FBXL7: variants seen among roughly 807,000 people sequenced by gnomAD.
FBXL7 encodes F-box/LRR-repeat protein 7.
A neutral mutation model predicts 38.3 loss-of-function variants in FBXL7; 12 were observed. The ratio of observed to expected loss-of-function variants is 0.31; its 90% CI spans 0.20 to 0.51. FBXL7 has a LOEUF of 0.51. FBXL7 is among the 20% of genes least tolerant of loss of function. FBXL7 has a pLI of 0.98. For synonymous variants in FBXL7, 297 were observed against 300.9 expected (o/e 0.99, Z 0.13); for missense variants, 567 against 676.4 (o/e 0.84, Z 1.79).
At chr5:15,834,516 A>G (rs866083161) in intron 2 of FBXL7, among the ~76,000 whole-genome samples, 32 of 152,164 alleles carry the variant, frequency 2.1e-4, no homozygotes, top group Non-Finnish European at 3.7e-4. Flanking sequence ...ATTCTTTGGC[A>G]TAGGTAGCTT....
At chr5:15,882,275 G>T (rs1230701694) in intron 2 of FBXL7, among the ~76,000 whole-genome samples, 5 of 152,118 alleles carry the variant, frequency 3.3e-5, no homozygotes, top group African/African-American at 1.2e-4. Context: ...TGTGACTTCT[G>T]ACTAGTCACA....
chr5:15,752,082 A>T (rs760848047), intron 2 of FBXL7, among the ~76,000 whole-genome samples: 1 of 152,194 alleles, frequency 6.6e-6, no homozygotes, highest in African/African-American at 2.4e-5. Flanking sequence ...TTTAATTTCT[A>T]GTGCACTGAA....
At chr5:15,808,665 T>C (rs1737779025) in intron 2 of FBXL7, among the ~76,000 whole-genome samples, 1 of 152,186 alleles carries the variant, frequency 6.6e-6, no homozygotes, top group African/African-American at 2.4e-5. Context: ...GTGGCTAGTT[T>C]CCAGTGGTGA....
intron 1 of FBXL7, among the ~76,000 whole-genome samples, chr5:15,569,129 A>C (rs1738682878): frequency 1.3e-5 from 2 of 152,356 alleles, no homozygotes; most frequent in African/African-American, 4.8e-5. Context: ...CTGTGAAGAA[A>C]GTCATTGGTA....
chr5:15,859,404 A>G (rs1186978824), intron 2 of FBXL7, among the ~76,000 whole-genome samples: 2 of 152,210 alleles, frequency 1.3e-5, no homozygotes, highest in African/African-American at 4.8e-5. Context: ...TCCAACTGGC[A>G]TCTACTGAGT....
At chr5:15,684,400 G>T (rs994042685) in intron 2 of FBXL7, among the ~76,000 whole-genome samples, 1 of 152,190 alleles carries the variant, frequency 6.6e-6, no homozygotes, top group African/African-American at 2.4e-5. Flanking sequence ...GTATTAAAGG[G>T]TAAATAGGAG....
chr5:15,683,295 C>T lies in FBXL7; in HGVS notation c.127+67223C>T, dbSNP rs191719557. ...AAAATGTTGTGAGTATATTTAGATTCTCTTGGGTCATGTGGCTTTATTCTA... is the reference window on the plus strand; with the variant it reads ...AAAATGTTGTGAGTATATTTAGATTTTCTTGGGTCATGTGGCTTTATTCTA... On this transcript the variant is annotated intron_variant, in intron 2 of 3. Transcript: ENST00000504595. Among the ~76,000 whole-genome samples the T allele has an allele frequency of 6.2e-4, 94 of 152,200 alleles. 1 individual carries two copies. Among genetic ancestry groups the T allele is most frequent in the African/African-American group, 2.2e-3 (90 of 41,534 alleles).
At chr5:15,890,135 T>C (rs1421801943) in intron 2 of FBXL7, among the ~76,000 whole-genome samples, 7 of 151,892 alleles carry the variant, frequency 4.6e-5, no homozygotes, top group Non-Finnish European at 7.4e-5. Flanking sequence ...CACAGACCAC[T>C]ACCGGTCTGT....
chr5:15,562,094 C>T (rs1738430235), intron 1 of FBXL7, among the ~76,000 whole-genome samples: 1 of 151,884 alleles, frequency 6.6e-6, no homozygotes, highest in African/African-American at 2.4e-5. Flanking sequence ...TGAATCTGGG[C>T]CTTATCTTAC....
At chr5:15,572,139 A>G (rs1486770444) in intron 1 of FBXL7, among the ~76,000 whole-genome samples, 2 of 152,150 alleles carry the variant, frequency 1.3e-5, no homozygotes, top group African/African-American at 4.8e-5. Flanking sequence ...GGTCTATCCA[A>G]AAGCCATGAA....
At chr5:15,586,214 C>A (rs1739298552) in intron 1 of FBXL7, among the ~76,000 whole-genome samples, 1 of 151,850 alleles carries the variant, frequency 6.6e-6, no homozygotes, top group Non-Finnish European at 1.5e-5. Flanking sequence ...TGGGTGATGA[C>A]AAATCATGTC....
At chr5:15,840,954 C>CT (rs1738731562) in intron 2 of FBXL7, among the ~76,000 whole-genome samples, 1 of 149,712 alleles carries the variant, frequency 6.7e-6, no homozygotes, top group Non-Finnish European at 1.5e-5. Context: ...TGTGTTTATA[C>CT]TTTTTATCAC....
intron 2 of FBXL7, among the ~76,000 whole-genome samples, chr5:15,767,441 T>C (rs987714266): frequency 1.3e-5 from 2 of 152,238 alleles, no homozygotes; most frequent in African/African-American, 2.4e-5. Flanking sequence ...CTTTGCGGTG[T>C]GAGGAAGGCT....
chr5:15,594,591 G>T (rs1739569131), intron 1 of FBXL7, among the ~76,000 whole-genome samples: 1 of 152,184 alleles, frequency 6.6e-6, no homozygotes, highest in African/African-American at 2.4e-5. Flanking sequence ...GCTTGTCCTT[G>T]GTATTGGAGC....
At chr5:15,563,469 G>A (rs561091611) in intron 1 of FBXL7, among the ~76,000 whole-genome samples, 81 of 152,222 alleles carry the variant, frequency 5.3e-4, no homozygotes, top group African/African-American at 1.9e-3. Flanking sequence ...AACCACTGGG[G>A]CTGCTAAAGC....
intron 2 of FBXL7, among the ~76,000 whole-genome samples, chr5:15,651,760 A>T (rs772842403): frequency 6.6e-6 from 1 of 152,226 alleles, no homozygotes; most frequent in African/African-American, 2.4e-5. Flanking sequence ...CACCAGCTAC[A>T]TTGGCCTCTA....
intron 2 of FBXL7, among the ~76,000 whole-genome samples, chr5:15,766,443 T>A (rs2126705250): frequency 6.6e-6 from 1 of 152,348 alleles, no homozygotes; most frequent in East Asian, 1.9e-4. Context: ...CAAGGTTTAC[T>A]GATTTAATTA....
At chr5:15,626,079 A>G (rs903756714) in intron 2 of FBXL7, among the ~76,000 whole-genome samples, 1 of 152,030 alleles carries the variant, frequency 6.6e-6, no homozygotes, top group South Asian at 2.1e-4. Context: ...TTTCGTCTTT[A>G]AAAATTAAAT....
intron 2 of FBXL7, among the ~76,000 whole-genome samples, chr5:15,921,316 G>A (rs757606457): frequency 6.6e-6 from 1 of 150,604 alleles, no homozygotes; most frequent in African/African-American, 2.4e-5. Context: ...GGAAGGTGGA[G>A]GTTGCAGTGA....
Sources: allele counts gnomAD v4.1 joint callset (sites outside exome capture counted in the v4.1 genomes callset), GRCh38; gene constraint gnomAD v4.1.1; transcripts MANE v1.5; gene names NCBI Gene and HGNC (gene_info 2026-07-23, HGNC 2026-07-21).